The following SIGLEC1 variants were observed in gnomAD, a reference collection of about 807,000 sequenced individuals.
SIGLEC1 encodes the protein sialoadhesin.
A neutral mutation model predicts 148.0 loss-of-function variants in SIGLEC1; 132 were observed. That is an observed-to-expected ratio of 0.89 (90% CI 0.77 to 1.03). SIGLEC1 has a LOEUF of 1.03. Ranked by LOEUF, SIGLEC1 falls within the 50% of genes least tolerant of loss-of-function variation. The pLI, the probability that SIGLEC1 is intolerant of heterozygous loss-of-function variation, is 0.00. For missense variants in SIGLEC1, 2,253 were observed against 2,271.4 expected, an observed-to-expected ratio of 0.99 and a Z score of 0.16; for synonymous variants, 945 against 969.0, an observed-to-expected ratio of 0.98 and a Z score of 0.46.
chr20:3,690,923 C>T (rs1281766538), intron 18 of SIGLEC1, among the ~76,000 whole-genome samples: 1 of 151,282 alleles, frequency 6.6e-6, no homozygotes, highest in Non-Finnish European at 1.5e-5. Context: ...CTCCACCTCC[C>T]AGGCTCAAGT....
In SIGLEC1 at chr20:3,692,862, C is replaced by T; in HGVS notation, c.3778G>A (p.Gly1260Ser). 6.2e-7 allele frequency: 1 copy of T among 1,608,022 alleles called. No homozygotes were observed. Among genetic ancestry groups the T allele is most frequent in the Non-Finnish European group, 8.5e-7 (1 of 1,177,996 alleles). The stretch of plus-strand genomic sequence containing the variant: ...GGGCTTGGCCTAGGCCCTGCCTTAC[C>T]CTCCAGCCGCAGCTCCAGGGACGTG... ...ANTSLELRLE[G>S]VRVILAPEAA... The change falls in exon 15 of 22, where the codon GGT (glycine) becomes AGT (serine). Residue 1260 changes from glycine to serine, a missense_variant and splice_region_variant. Transcript: ENST00000344754.
At position 3,692,045 on chromosome 20, in the gene SIGLEC1, T is replaced by C. The variant is rs769979796; in HGVS notation, c.4188A>G (p.Ala1396=). The change falls in exon 17 of 22, where the codon GCA becomes GCG. Residue 1396 remains alanine, a synonymous_variant. Coordinates refer to ENST00000344754, the MANE Select transcript of SIGLEC1 (RefSeq NM_023068.4). The part of the protein sequence containing the change: ...LATSSGVHSL[A]SGTGHVQVAR... ...CCACCTGGACATGGCCTGTCCCTGA[T>C]GCCAAGCTGTGGACCCCGCTGCTCG... 1 of 1,613,036 alleles carries C rather than the reference T, an allele frequency of 6.2e-7. No individual in the cohort carries two copies. The highest frequency in any genetic ancestry group is 8.5e-7 in the Non-Finnish European group (1 of 1,179,738).
chr20:3,696,129 T>TATATAC (rs11087599), intron 11 of SIGLEC1, among the ~76,000 whole-genome samples: 17,560 of 142,272 alleles, frequency 0.12, 1,125 homozygotes, highest in East Asian at 0.27. Flanking sequence ...ACTATATATA[T>TATATAC]ACACACACAC....
Position 3,691,898 on chromosome 20 carries a change from C to G in SIGLEC1, c.4330+5G>C. ...GCCCCTCCTCCTCCCCTCTCTTCCA[C>G]TCACCTTCTACCTGCAACCGCCCGA... On this transcript the variant is annotated splice_donor_5th_base_variant and intron_variant, in intron 17 of 21. Transcript: ENST00000344754. 6.4e-7 allele frequency: 1 copy of G among 1,563,534 alleles called. No individual in the cohort carries two copies. The highest frequency in any genetic ancestry group is 8.7e-7 in the Non-Finnish European group (1 of 1,148,320).
At position 3,693,480 on chromosome 20, in the gene SIGLEC1, G is replaced by T. The variant is rs751425613; in HGVS notation, c.3475C>A (p.Arg1159Ser). ...TCCAAGGTGATAGGTCTGGAGAGGC[G>T]GGGTGCCCGACCAGGGGGGCCCACA... ...CGVGPPGRAP[R>S]LSRPITLDVL... Residue 1159 changes from arginine to serine, a missense_variant, in exon 14 of 22, where the codon CGC (arginine) becomes AGC (serine). Transcript: ENST00000344754. 4.4e-6 allele frequency: 7 copies of T among 1,601,688 alleles called. No individual in the cohort carries two copies. In the East Asian group the frequency reaches 1.6e-4, roughly 36 times the overall value.
At position 3,699,223 on chromosome 20, in the gene SIGLEC1, G is replaced by A; in HGVS notation, c.1765C>T (p.Pro589Ser). The A allele has an allele frequency of 6.2e-7, 1 of 1,610,294 alleles. No individual in the cohort carries two copies. Among genetic ancestry groups the A allele is most frequent in the South Asian group, 1.1e-5 (1 of 90,644 alleles). ...DGHSASGPSSPAVLTVLYPPR... is the reference protein window; with the variant it reads ...DGHSASGPSSSAVLTVLYPPR... Reference sequence around the variant, plus strand: ...TCACAGAGCACAGTGAGAACAGCTGGCGAAGAGGGGCCACTGGCACTGTGG... The same window carrying A: ...TCACAGAGCACAGTGAGAACAGCTGACGAAGAGGGGCCACTGGCACTGTGG... The change falls in exon 8 of 22, where the codon CCA (proline) becomes TCA (serine). Residue 589 changes from proline to serine, a missense_variant. By Grantham distance (74) the Pro-to-Ser change is moderately conservative. Transcript: ENST00000344754.
rs141113139 is a variant in SIGLEC1 at position 3,697,735 on chromosome 20, G to C, written c.2122+63C>G. 478 of 1,496,508 alleles carry C rather than the reference G, an allele frequency of 3.2e-4. No homozygotes were observed. In the African/African-American group the frequency reaches 5.3e-3, roughly 16 times the overall value. 92.7% of individuals were successfully genotyped at this position (1,496,508 alleles called of 1,614,324 possible). A position where few individuals can be genotyped will look rare whatever the true frequency, so the allele number is the denominator to read the frequency against. ...GGTTTTGCCTGATTAGATCCTCCTC[G>C]GAGCAGAACAGTCCAGAGCTCCAGC... is the stretch of plus-strand genomic sequence containing the variant. On this transcript the variant is annotated intron_variant, in intron 9 of 21. Coordinates refer to ENST00000344754, the MANE Select transcript of SIGLEC1 (RefSeq NM_023068.4).
Position 3,689,162 on chromosome 20 carries a change from G to A in SIGLEC1, c.5063C>T (p.Thr1688Ile). 6.2e-7 allele frequency: 1 copy of A among 1,613,752 alleles called. No individual in the cohort carries two copies. ...TGTGTGTTGAATGGATACCTGCGTGGTCTCTTTCTGAAAAGCCATCTCCAC... is the reference window on the plus strand; with the variant it reads ...TGTGTGTTGAATGGATACCTGCGTGATCTCTTTCTGAAAAGCCATCTCCAC... ...NSVEMAFQKE[T>I]TQLIDPDAAT... The change falls in exon 21 of 22, where the codon ACC becomes ATC. Residue 1688 changes from threonine (T) to isoleucine (I), a missense_variant. Physicochemically the swap from Thr to Ile is moderately conservative, Grantham distance 89. Coordinates refer to ENST00000344754, the MANE Select transcript of SIGLEC1 (RefSeq NM_023068.4).
intron 6 of SIGLEC1, chr20:3,702,979 G>A: frequency 1.7e-6 from 1 of 573,834 alleles, no homozygotes; most frequent in Non-Finnish European, 3.1e-6. Context: ...GTCTTTCTCT[G>A]CAACTTTTCA....
chr20:3,696,588 C>T lies in SIGLEC1; in HGVS notation c.2681G>A (p.Arg894Gln), dbSNP rs752896379. 106 of 1,603,782 alleles carry T rather than the reference C, an allele frequency of 6.6e-5. No individual in the cohort carries two copies. Among genetic ancestry groups the T allele is most frequent in the Non-Finnish European group, 8.8e-5 (103 of 1,173,656 alleles). The stretch of plus-strand genomic sequence containing the variant: ...ATCTTCAGAAGACTGACACTCACCT[C>T]GGACCTGGAAGAAGAGTGAGGTGTT... ...SSNTSLFFQV[R>Q]GAWVQVSPSP... Residue 894 changes from arginine to glutamine, a missense_variant and splice_region_variant, in exon 11 of 22, where the codon CGA becomes CAA. Transcript: ENST00000344754.
At chr20:3,700,461 G>A (rs562655069) in intron 7 of SIGLEC1, among the ~76,000 whole-genome samples, 19 of 151,594 alleles carry the variant, frequency 1.3e-4, no homozygotes, top group Middle Eastern at 3.4e-3. Flanking sequence ...GACATGGGCC[G>A]TAGTCTCAGC....
rs372490374 is a variant in SIGLEC1 at position 3,699,224 on chromosome 20, C to A, written c.1764G>T (p.Ser588=). 1 of 1,609,894 alleles carries A rather than the reference C, an allele frequency of 6.2e-7. No individual in the cohort carries two copies. Among genetic ancestry groups the A allele is most frequent in the Non-Finnish European group, 8.5e-7 (1 of 1,179,082 alleles). Residue 588 remains serine (S), a synonymous_variant, in exon 8 of 22, where the codon TCG becomes TCT. Transcript: ENST00000344754. ...CACAGAGCACAGTGAGAACAGCTGG[C>A]GAAGAGGGGCCACTGGCACTGTGGC... ...RDGHSASGPS[S]PAVLTVLYPP...
chr20:3,698,786 C>A (rs1390234507), intron 8 of SIGLEC1, among the ~76,000 whole-genome samples: 1 of 152,248 alleles, frequency 6.6e-6, no homozygotes, highest in African/African-American at 2.4e-5. Flanking sequence ...TACACGGAGC[C>A]TCCCCGCTTG....
chr20:3,688,961 GAC>G (rs2088726516), intron 21 of SIGLEC1, 192 bp downstream of exon 21: 1 of 622,846 alleles, frequency 1.6e-6, no homozygotes, highest in Admixed American at 2.9e-5. Context: ...GCCGCCAGCT[GAC>G]ACAGGGATTC....
chr20:3,695,774 A>G (rs1420719708), intron 11 of SIGLEC1, among the ~76,000 whole-genome samples: 2 of 151,902 alleles, frequency 1.3e-5, no homozygotes, highest in Admixed American at 1.3e-4. Context: ...CCTTCGCATT[A>G]TGGGCATTAT....
At chr20:3,697,684 GA>G in intron 9 of SIGLEC1, 113 bp downstream of exon 9, 2 of 947,384 alleles carry the variant, frequency 2.1e-6, no homozygotes, top group Non-Finnish European at 1.6e-6. Flanking sequence ...GGAGGGCAGC[GA>G]AGGGCCCCCA....
Position 3,699,272 on chromosome 20 carries a change from T to G in SIGLEC1, c.1716A>C (p.Ser572=). The G allele has an allele frequency of 1.9e-6, 3 of 1,609,386 alleles. No homozygotes were observed. Among genetic ancestry groups the G allele is most frequent in the Non-Finnish European group, 2.5e-6 (3 of 1,178,624 alleles). ...LPAASSTDAG[S]YHCRARDGHS... is the part of the protein sequence containing the mutation. Reference sequence around the variant, plus strand: ...GGCCGTCCCGGGCCCGGCAGTGGTATGAGCCGGCGTCAGTGCTGGAGGCCG... The same window carrying G: ...GGCCGTCCCGGGCCCGGCAGTGGTAGGAGCCGGCGTCAGTGCTGGAGGCCG... Residue 572 remains serine, a synonymous_variant, in exon 8 of 22, where the codon TCA becomes TCC. Transcript: ENST00000344754.
At chr20:3,701,790 C>A (rs1256078889) in intron 6 of SIGLEC1, 149 bp from the exon 7 acceptor site, 28 of 736,028 alleles carry the variant, frequency 3.8e-5, no homozygotes, top group Non-Finnish European at 5.5e-5. Context: ...CTGCTGAATA[C>A]ACTTTTGTCC....
rs776942809 is a variant in SIGLEC1, at chr20:3,701,367, G to T, written c.1503C>A (p.Thr501=). Reference sequence around the variant, plus strand: ...CATTGGCATGGAAGTCCAGGGTGGAGGTTGCATTTCCAAGGGAGTTGGTGG... The same window carrying T: ...CATTGGCATGGAAGTCCAGGGTGGATGTTGCATTTCCAAGGGAGTTGGTGG... ...CSATNSLGNA[T]STLDFHANAA... The change falls in exon 7 of 22, where the codon ACC becomes ACA. Residue 501 remains threonine (T), a synonymous_variant. Transcript: ENST00000344754. 6.2e-6 allele frequency: 10 copies of T among 1,613,234 alleles called. No individual in the cohort carries two copies. Among genetic ancestry groups the T allele is most frequent in the African/African-American group, 1.3e-5 (1 of 74,928 alleles).
Sources: gnomAD v4.1 joint callset for allele counts (sites outside exome capture counted in the v4.1 genomes callset) on GRCh38, gnomAD v4.1.1 for gene constraint, MANE v1.5 for transcripts, NCBI Gene and HGNC (gene_info 2026-07-23, HGNC 2026-07-21) for gene names.